PDZD8: variants seen among roughly 807,000 people sequenced by gnomAD.
PDZD8 encodes the protein PDZ domain containing 8.
Under a neutral mutation model 85.8 loss-of-function variants are expected in PDZD8, and 14 were observed. That is an observed-to-expected ratio of 0.16 (90% CI 0.11 to 0.26). The LOEUF is 0.26. Among genes scored for constraint, PDZD8 ranks in the 10% least tolerant of loss-of-function variants. The pLI is 1.00. For missense variants in PDZD8, 1,197 were observed against 1,424.3 expected (o/e 0.84, Z 2.57); for synonymous variants, 592 against 568.6 (o/e 1.04, Z -0.59).
At chr10:117,335,941 C>T (rs938619299) in intron 2 of PDZD8, among the ~76,000 whole-genome samples, 7 of 152,268 alleles carry the variant, frequency 4.6e-5, no homozygotes, top group Middle Eastern at 3.4e-3. Context: ...AAGCAAGGAA[C>T]AATTCCATAA....
chr10:117,327,473 A>G (rs1844337769), intron 2 of PDZD8, among the ~76,000 whole-genome samples: 1 of 152,200 alleles, frequency 6.6e-6, no homozygotes, highest in Admixed American at 6.5e-5. Flanking sequence ...CTGAGTTAGC[A>G]TAAGTCAGTC....
chr10:117,316,169 C>T (rs1242202079), intron 3 of PDZD8, among the ~76,000 whole-genome samples: 1 of 152,074 alleles, frequency 6.6e-6, no homozygotes, highest in Non-Finnish European at 1.5e-5. Context: ...TTTCAAAGAA[C>T]AAACACAACC....
chr10:117,303,132 A>C (rs905436055), intron 3 of PDZD8, among the ~76,000 whole-genome samples: 7 of 152,230 alleles, frequency 4.6e-5, no homozygotes, highest in Non-Finnish European at 8.8e-5. Flanking sequence ...AATGTGGGAA[A>C]GTTTGGAACT....
At chr10:117,299,684 T>A (rs1256302675) in intron 3 of PDZD8, among the ~76,000 whole-genome samples, 2 of 152,180 alleles carry the variant, frequency 1.3e-5, no homozygotes, top group Non-Finnish European at 2.9e-5. Context: ...TTTTTCTTTA[T>A]GATATCTATT....
At chr10:117,331,240 T>C (rs539396479) in intron 2 of PDZD8, among the ~76,000 whole-genome samples, 2 of 152,192 alleles carry the variant, frequency 1.3e-5, no homozygotes, top group Admixed American at 1.3e-4. Context: ...GTGGTGGTGG[T>C]AGTAGCAGAA....
chr10:117,330,002 G>A lies in PDZD8; in HGVS notation c.995+10978C>T, dbSNP rs192163803. Among the ~76,000 whole-genome samples, 27 of 43,008 alleles carry A rather than the reference G, an allele frequency of 6.3e-4. 1 individual carries two copies. The highest frequency in any genetic ancestry group is 1.4e-3 in the South Asian group (1 of 720). 28.2% of individuals were successfully genotyped at this position (43,008 alleles called of 152,430 possible). ...GAAGGAAGGAAGGAAGGAAGGAAGG[G>A]AGGGAGGGAGGGAGGGAGGGAGGGA... On this transcript the variant is annotated intron_variant, in intron 2 of 4. Coordinates refer to ENST00000334464, the MANE Select transcript of PDZD8 (RefSeq NM_173791.5).
In PDZD8 at chr10:117,375,335, G is replaced by C. The variant is rs1845286704; in HGVS notation, c.-108C>G. On this transcript the variant is annotated 5_prime_UTR_variant, in exon 1 of 5. Transcript: ENST00000334464. ...TTGAGGACATCGGGCGGCTGGGTCG[G>C]GGCGAGCGGCTCCGTGGGCCTCGTC... The C allele has an allele frequency of 9.2e-7, 1 of 1,088,274 alleles. No individual in the cohort carries two copies. Among genetic ancestry groups the C allele is most frequent in the Admixed American group, 3.4e-5 (1 of 29,630 alleles). 67.4% of individuals were successfully genotyped at this position (1,088,274 alleles called of 1,614,324 possible). A position where few individuals can be genotyped will look rare whatever the true frequency, so the allele number is the denominator to read the frequency against.
intron 2 of PDZD8, 29 bp from the exon 3 acceptor site, chr10:117,319,003 TATC>T: frequency 7.1e-7 from 1 of 1,416,942 alleles, no homozygotes. Flanking sequence ...CAAGGGAGAG[TATC>T]ATACCTGTTA....
chr10:117,354,189 A>C (rs1280802447), intron 1 of PDZD8, among the ~76,000 whole-genome samples: 1 of 152,158 alleles, frequency 6.6e-6, no homozygotes, highest in Admixed American at 6.5e-5. Flanking sequence ...ATTGCGGAGA[A>C]TGTTGGGATT....
At chr10:117,289,966 A>G (rs1844727831) in intron 4 of PDZD8, among the ~76,000 whole-genome samples, 1 of 152,226 alleles carries the variant, frequency 6.6e-6, no homozygotes, top group African/African-American at 2.4e-5. Context: ...AAGTATTTTA[A>G]AGATTTATAC....
At chr10:117,308,710 G>A (rs1461413009) in intron 3 of PDZD8, among the ~76,000 whole-genome samples, 1 of 152,046 alleles carries the variant, frequency 6.6e-6, no homozygotes. Flanking sequence ...CACACTGCCT[G>A]GGTTTGCAGA....
chr10:117,283,395 G>A lies in PDZD8; in HGVS notation c.3338C>T (p.Ser1113Phe). The A allele has an allele frequency of 1.9e-6, 3 of 1,613,984 alleles. No individual in the cohort carries two copies. The highest frequency in any genetic ancestry group is 2.5e-6 in the Non-Finnish European group (3 of 1,179,914). Reference protein sequence around the residue: ...TLESLSLDQHSKKISKYTDDT... With the variant: ...TLESLSLDQHFKKISKYTDDT... Reference sequence around the variant, plus strand: ...ATCTGTGTACTTGCTTATTTTTTTGGAGTGCTGGTCTAAAGACAGACTTTC... The same window carrying A: ...ATCTGTGTACTTGCTTATTTTTTTGAAGTGCTGGTCTAAAGACAGACTTTC... The change falls in exon 5 of 5, where the codon TCC becomes TTC. Residue 1113 changes from serine to phenylalanine, a missense_variant. Transcript: ENST00000334464.
At chr10:117,315,655 G>C (rs1313872812) in intron 3 of PDZD8, among the ~76,000 whole-genome samples, 3 of 151,524 alleles carry the variant, frequency 2.0e-5, no homozygotes, top group Non-Finnish European at 4.4e-5. Flanking sequence ...AAAGCAACTG[G>C]GTGGTCAGTG....
intron 1 of PDZD8, among the ~76,000 whole-genome samples, chr10:117,373,955 C>T (rs920274997): frequency 6.6e-6 from 1 of 152,192 alleles, no homozygotes; most frequent in Non-Finnish European, 1.5e-5. Context: ...TTTCTCAAAG[C>T]GGCCAAGGGG....
At chr10:117,323,705 A>C (rs1844266383) in intron 2 of PDZD8, among the ~76,000 whole-genome samples, 1 of 152,186 alleles carries the variant, frequency 6.6e-6, no homozygotes, top group Admixed American at 6.5e-5. Context: ...GGTATCAGTG[A>C]CCCAACAAGA....
chr10:117,322,828 T>G (rs935043623), intron 2 of PDZD8, among the ~76,000 whole-genome samples: 1 of 152,074 alleles, frequency 6.6e-6, no homozygotes, highest in African/African-American at 2.4e-5. Flanking sequence ...AGGGAATGGG[T>G]CAGTTAACAT....
At chr10:117,332,674 G>A (rs909487897) in intron 2 of PDZD8, among the ~76,000 whole-genome samples, 2 of 151,310 alleles carry the variant, frequency 1.3e-5, no homozygotes, top group African/African-American at 2.4e-5. Context: ...GCCTGGCTAA[G>A]TTTTGTATTT....
At chr10:117,344,735 A>G (rs1486092373) in intron 1 of PDZD8, among the ~76,000 whole-genome samples, 2 of 152,144 alleles carry the variant, frequency 1.3e-5, no homozygotes, top group African/African-American at 4.8e-5. Context: ...CCCTCATCCC[A>G]CAGCTCTCAT....
At position 117,283,849 on chromosome 10, in the gene PDZD8, C is replaced by A. The variant is rs151329411; in HGVS notation, c.2884G>T (p.Asp962Tyr). Residue 962 changes from aspartate to tyrosine, a missense_variant, in exon 5 of 5, where the codon GAT becomes TAT. Transcript: ENST00000334464. The stretch of plus-strand genomic sequence containing the variant: ...TGTTTTGGTGAAGGTTCTACGAGAT[C>A]GGTTCCTGGTTCAGAAAGGCGAGTT... ...SKTRLSEPGT[D>Y]LVEPSPKHTP... 54 of 1,614,152 alleles carry A rather than the reference C, an allele frequency of 3.3e-5. No homozygotes were observed. In the African/African-American group the frequency reaches 6.5e-4, roughly 20 times the overall value.
Sources: allele counts gnomAD v4.1 joint callset (sites outside exome capture counted in the v4.1 genomes callset), GRCh38; gene constraint gnomAD v4.1.1; transcripts MANE v1.5; gene names NCBI Gene and HGNC (gene_info 2026-07-23, HGNC 2026-07-21).